DMRT1: variants seen among roughly 807,000 people sequenced by gnomAD.
The protein encoded by DMRT1 is doublesex and mab-3 related transcription factor 1, also known as doublesex- and mab-3-related transcription factor 1.
A neutral mutation model predicts 32.3 loss-of-function variants in DMRT1; 7 were observed. The observed-to-expected ratio is 0.22, with a 90% CI of 0.12 to 0.41. The LOEUF (loss-of-function observed/expected upper bound fraction) is 0.41. Among genes scored for constraint, DMRT1 ranks in the 10% least tolerant of loss-of-function variants. The pLI is 1.00. For synonymous variants in DMRT1, 278 were observed against 206.1 expected (o/e 1.35, Z -2.99); for missense variants, 625 against 500.5 (o/e 1.25, Z -2.37).
chr9:953,001 A>G (rs1022864237), intron 4 of DMRT1, among the ~76,000 whole-genome samples: 4 of 152,180 alleles, frequency 2.6e-5, no homozygotes, highest in Non-Finnish European at 4.4e-5. Context: ...TTAAGACTTC[A>G]AAGGTTTTGA....
At chr9:883,019 G>T (rs563787675) in intron 2 of DMRT1, among the ~76,000 whole-genome samples, 5 of 151,536 alleles carry the variant, frequency 3.3e-5, no homozygotes, top group African/African-American at 4.8e-5. Context: ...TGATCCTCCC[G>T]CCTCGGCCTC....
chr9:944,297 T>C (rs903609088), intron 4 of DMRT1, among the ~76,000 whole-genome samples: 3 of 152,220 alleles, frequency 2.0e-5, no homozygotes, highest in African/African-American at 7.2e-5. Flanking sequence ...CCACAGTTTT[T>C]TGAAAGATTT....
At chr9:910,162 G>A (rs6477366) in intron 3 of DMRT1, among the ~76,000 whole-genome samples, 4,881 of 152,092 alleles carry the variant, frequency 0.032, 266 homozygotes, top group African/African-American at 0.11. Flanking sequence ...AGAGAGATAC[G>A]AACTTAACGC....
intron 2 of DMRT1, among the ~76,000 whole-genome samples, chr9:860,886 G>C (rs961021073): frequency 6.6e-6 from 1 of 152,192 alleles, no homozygotes; most frequent in Non-Finnish European, 1.5e-5. Context: ...GTGAGCCTGA[G>C]TGCTTTGAGC....
At chr9:857,726 T>G (rs1021216135) in intron 2 of DMRT1, among the ~76,000 whole-genome samples, 2 of 150,720 alleles carry the variant, frequency 1.3e-5, no homozygotes, top group Non-Finnish European at 3.0e-5. Context: ...GCTGCACCCA[T>G]TAACTCATCA....
At chr9:908,351 A>T (rs1291870182) in intron 3 of DMRT1, among the ~76,000 whole-genome samples, 1 of 152,100 alleles carries the variant, frequency 6.6e-6, no homozygotes, top group Non-Finnish European at 1.5e-5. Context: ...CTAGCTACTC[A>T]GGAGCCTGAG....
intron 2 of DMRT1, among the ~76,000 whole-genome samples, chr9:849,037 C>G (rs912166): frequency 0.7 from 102,987 of 148,092 alleles, 36,726 homozygotes; most frequent in Non-Finnish European, 0.77. Flanking sequence ...AGGGCAAGTT[C>G]CAGTGCCAGG....
chr9:929,722 C>G (rs1818646136), intron 4 of DMRT1, among the ~76,000 whole-genome samples: 1 of 152,020 alleles, frequency 6.6e-6, no homozygotes, highest in African/African-American at 2.4e-5. Flanking sequence ...CTGTTTGTGC[C>G]AGGCCTAACA....
chr9:926,356 G>C (rs954517715), intron 4 of DMRT1, among the ~76,000 whole-genome samples: 1 of 152,176 alleles, frequency 6.6e-6, no homozygotes, highest in African/African-American at 2.4e-5. Context: ...CTAGTGATTA[G>C]CTTTGAAATC....
Position 866,030 on chromosome 9 carries a change from G to C in DMRT1, c.538+18887G>C, listed in dbSNP as rs536798327. Among the ~76,000 whole-genome samples, 257 of 152,048 alleles carry C rather than the reference G, an allele frequency of 1.7e-3. 2 individuals are homozygous for C. The highest frequency in any genetic ancestry group is 2.9e-3 in the Non-Finnish European group (196 of 67,976). On this transcript the variant is annotated intron_variant, in intron 2 of 4. Coordinates refer to ENST00000382276, the MANE Select transcript of DMRT1 (RefSeq NM_021951.3). ...AATACAAAAATTAGCTGGATGTGGT[G>C]GTGGGTGCCTGTAATCCCAGCTGCT...
chr9:861,213 C>T (rs564727848), intron 2 of DMRT1, among the ~76,000 whole-genome samples: 25 of 152,020 alleles, frequency 1.6e-4, no homozygotes, highest in African/African-American at 4.1e-4. Context: ...TGCCGCCTTC[C>T]GTCTTCTGCA....
intron 2 of DMRT1, among the ~76,000 whole-genome samples, chr9:877,900 A>G (rs542573671): frequency 3.7e-4 from 57 of 152,200 alleles, no homozygotes; most frequent in Non-Finnish European, 6.5e-4. Context: ...GATTCTGGAT[A>G]AGTGTGCCTG....
intron 2 of DMRT1, among the ~76,000 whole-genome samples, chr9:874,973 A>C (rs1816434174): frequency 6.6e-6 from 1 of 151,572 alleles, no homozygotes; most frequent in Non-Finnish European, 1.5e-5. Context: ...ACGCCCGGCA[A>C]ATTTTTTGTA....
chr9:937,590 A>G (rs1818928459), intron 4 of DMRT1, among the ~76,000 whole-genome samples: 1 of 152,166 alleles, frequency 6.6e-6, no homozygotes, highest in Non-Finnish European at 1.5e-5. Flanking sequence ...CGTTTCACTG[A>G]TGGCTAATGA....
intron 4 of DMRT1, among the ~76,000 whole-genome samples, chr9:918,485 G>A (rs918386196): frequency 6.6e-6 from 1 of 151,772 alleles, no homozygotes; most frequent in African/African-American, 2.4e-5. Context: ...ATTTATGGCA[G>A]AAAAGGAAGC....
intron 2 of DMRT1, among the ~76,000 whole-genome samples, chr9:865,999 A>G (rs1025087724): frequency 6.6e-6 from 1 of 151,886 alleles, no homozygotes; most frequent in Non-Finnish European, 1.5e-5. Context: ...CCCTGTCTCT[A>G]CTAAAAATAC....
intron 4 of DMRT1, among the ~76,000 whole-genome samples, chr9:964,401 G>T (rs1230141704): frequency 6.6e-6 from 1 of 152,004 alleles, no homozygotes; most frequent in African/African-American, 2.4e-5. Flanking sequence ...CTTCTTGAGA[G>T]AAAACAGATA....
At chr9:864,629 G>C (rs1340109145) in intron 2 of DMRT1, among the ~76,000 whole-genome samples, 1 of 151,924 alleles carries the variant, frequency 6.6e-6, no homozygotes, top group Non-Finnish European at 1.5e-5. Context: ...CTCCTGAGCA[G>C]CTGGGACTAC....
At chr9:951,198 A>ATT (rs1819416470) in intron 4 of DMRT1, among the ~76,000 whole-genome samples, 1 of 152,116 alleles carries the variant, frequency 6.6e-6, no homozygotes, top group Non-Finnish European at 1.5e-5. Flanking sequence ...AAATAAATTT[A>ATT]TTTTAATATA....
Sources: allele counts gnomAD v4.1 joint callset (sites outside exome capture counted in the v4.1 genomes callset), GRCh38; gene constraint gnomAD v4.1.1; transcripts MANE v1.5; gene names NCBI Gene and HGNC (gene_info 2026-07-23, HGNC 2026-07-21).